The following ADGRL2 variants were observed in gnomAD, a reference collection of about 807,000 sequenced individuals.
ADGRL2 encodes calcium-independent alpha-latrotoxin receptor 2.
A neutral mutation model predicts 157.4 loss-of-function variants in ADGRL2; 44 were observed. The observed-to-expected ratio is 0.28, with a 90% CI of 0.22 to 0.36. ADGRL2 has a LOEUF of 0.36. Among genes scored for constraint, ADGRL2 ranks in the 10% least tolerant of loss-of-function variants. ADGRL2 has a pLI of 1.00. For missense variants in ADGRL2, 1,510 were observed against 1,768.9 expected (o/e 0.85, Z 2.63); for synonymous variants, 585 against 624.7 (o/e 0.94, Z 0.95).
chr1:81,789,063 A>G, intron 2 of ADGRL2, among the ~76,000 whole-genome samples: 1 of 152,166 alleles, frequency 6.6e-6, no homozygotes, highest in East Asian at 1.9e-4. Context: ...AAGAGTTGAC[A>G]GATGATAGAT....
chr1:81,914,801 AT>A (rs1268851186), intron 3 of ADGRL2, among the ~76,000 whole-genome samples: 12 of 152,154 alleles, frequency 7.9e-5, no homozygotes, highest in Non-Finnish European at 1.8e-4. Flanking sequence ...AGATTCTTGA[AT>A]TTTAGTACAG....
At chr1:81,432,673 C>T (rs1044750394) in intron 1 of ADGRL2, among the ~76,000 whole-genome samples, 1 of 152,152 alleles carries the variant, frequency 6.6e-6, no homozygotes, top group African/African-American at 2.4e-5. Context: ...CCCCCCTCCT[C>T]GGCGCCGCTC....
rs568611643 is a variant in ADGRL2, at chr1:81,317,001, ATCTG to A, written c.-302+10500_-302+10503del. Among the ~76,000 whole-genome samples the A allele has an allele frequency of 6.6e-5, 10 of 152,256 alleles. No homozygotes were observed. The South Asian group carries it at 2.1e-3, about 32-fold the overall frequency. ...GGAAGTTATCCTAGTGTCCAATGCT[ATCTG>A]TCTGTCTTTTTCTTTACAACAGTGA... On this transcript the variant is annotated intron_variant, in intron 1 of 24. Coordinates refer to the ADGRL2 transcript ENST00000370721.
chr1:81,805,296 C>T (rs2088949808), intron 1 of ADGRL2, among the ~76,000 whole-genome samples: 1 of 151,972 alleles, frequency 6.6e-6, no homozygotes, highest in African/African-American at 2.4e-5. Context: ...CTTTTATCTT[C>T]AATTTCTTGG....
intron 3 of ADGRL2, among the ~76,000 whole-genome samples, chr1:81,598,970 C>T (rs922910808): frequency 1.3e-5 from 2 of 152,202 alleles, no homozygotes; most frequent in African/African-American, 4.8e-5. Context: ...TGCCTCCCCT[C>T]TTGGGAGGGT....
chr1:81,488,954 G>A (rs185913475), intron 2 of ADGRL2, among the ~76,000 whole-genome samples: 2 of 152,194 alleles, frequency 1.3e-5, no homozygotes, highest in Middle Eastern at 3.4e-3. Context: ...TGGAAAATCT[G>A]GCTGGGTGCA....
intron 15 of ADGRL2, 119 bp from the exon 16 acceptor site, chr1:81,970,195 T>C (rs1658308732): frequency 1.3e-6 from 1 of 746,084 alleles, no homozygotes; most frequent in African/African-American, 1.8e-5. Context: ...ATTAGTTTAC[T>C]CTGAATAATG....
At chr1:81,429,491 G>A (rs1016749809) in intron 1 of ADGRL2, among the ~76,000 whole-genome samples, 4 of 152,204 alleles carry the variant, frequency 2.6e-5, no homozygotes, top group Non-Finnish European at 5.9e-5. Flanking sequence ...AAGCAGGCAC[G>A]ATTCAGCCCA....
chr1:81,349,974 T>G lies in ADGRL2; in HGVS notation c.-302+43465T>G, dbSNP rs113175512. 1.2e-4 allele frequency among the ~76,000 whole-genome samples: 18 copies of G among 152,260 alleles called. 1 individual carries two copies. The highest frequency in any genetic ancestry group is 4.1e-4 in the African/African-American group (17 of 41,564). ...TATTCTCATGCTCTTTTATCATTTT[T>G]TTTCCCCTGTGCACCTTCCCAACCC... On this transcript the variant is annotated intron_variant, in intron 1 of 24. Coordinates refer to the ADGRL2 transcript ENST00000370721.
chr1:81,504,545 AC>A (rs1418775145), intron 2 of ADGRL2, among the ~76,000 whole-genome samples: 2 of 151,728 alleles, frequency 1.3e-5, no homozygotes, highest in Non-Finnish European at 1.5e-5. Context: ...AAAACAGATC[AC>A]CCCCAAAGCC....
At chr1:81,907,353 G>GT (rs1238322421) in intron 3 of ADGRL2, 123 bp downstream of exon 3, 2 of 655,170 alleles carry the variant, frequency 3.1e-6, no homozygotes, top group Non-Finnish European at 5.2e-6. Context: ...ACTGAGTTGG[G>GT]TTTTTACCTA....
chr1:81,796,969 G>A (rs1248194350), upstream of ADGRL2, among the ~76,000 whole-genome samples: 2 of 152,080 alleles, frequency 1.3e-5, no homozygotes, highest in Non-Finnish European at 2.9e-5. Flanking sequence ...TTGCTCTTAC[G>A]GAAAATGAGT....
chr1:81,521,960 AC>A (rs1277654579), intron 2 of ADGRL2, among the ~76,000 whole-genome samples: 1 of 144,366 alleles, frequency 6.9e-6, no homozygotes, highest in Non-Finnish European at 1.5e-5. Context: ...TAATAAATGT[AC>A]TTTTTGTTTT....
intron 3 of ADGRL2, among the ~76,000 whole-genome samples, chr1:81,616,630 A>C (rs1570647808): frequency 1.4e-5 from 2 of 140,984 alleles, no homozygotes; most frequent in African/African-American, 2.6e-5. Flanking sequence ...ATTAGTATCC[A>C]CTTCTAGTTT....
chr1:81,504,329 T>C (rs2078922130), intron 2 of ADGRL2, among the ~76,000 whole-genome samples: 1 of 152,182 alleles, frequency 6.6e-6, no homozygotes, highest in South Asian at 2.1e-4. Context: ...TCAGCCTTCT[T>C]CAGCCCTCTT....
chr1:81,641,440 A>C (rs919759164), intron 3 of ADGRL2, among the ~76,000 whole-genome samples: 2 of 152,222 alleles, frequency 1.3e-5, no homozygotes, highest in Non-Finnish European at 2.9e-5. Flanking sequence ...ACAGACCTTA[A>C]CAAATTATGA....
chr1:81,851,748 G>GTGTGTGTGTGTGTGTC, intron 2 of ADGRL2, among the ~76,000 whole-genome samples: 1 of 151,210 alleles, frequency 6.6e-6, no homozygotes, highest in South Asian at 2.1e-4. Flanking sequence ...GTGTGTGTGT[G>GTGTGTGTGTGTGTGTC]TGTGTGTGTG....
chr1:81,707,646 A>ATTG (rs35728784), intron 1 of ADGRL2, among the ~76,000 whole-genome samples: 44 of 151,742 alleles, frequency 2.9e-4, no homozygotes, highest in East Asian at 1.2e-3. Flanking sequence ...AATGTATGTT[A>ATTG]TTGTTGTTGT....
chr1:81,570,780 A>G (rs1375197377), intron 2 of ADGRL2, among the ~76,000 whole-genome samples: 3 of 152,174 alleles, frequency 2.0e-5, no homozygotes, highest in African/African-American at 7.2e-5. Flanking sequence ...AGAGATCTTT[A>G]ATTTTTTTCA....
Sources: gnomAD v4.1 joint callset for allele counts (sites outside exome capture counted in the v4.1 genomes callset) on GRCh38, gnomAD v4.1.1 for gene constraint, MANE v1.5 for transcripts, NCBI Gene and HGNC (gene_info 2026-07-23, HGNC 2026-07-21) for gene names.